Variants in CRNKL1 observed in about 807,000 individuals in gnomAD.
The protein encoded by CRNKL1 is crooked neck pre-mRNA splicing factor 1.
A neutral mutation model predicts 103.7 loss-of-function variants in CRNKL1; 35 were observed. The ratio of observed to expected loss-of-function variants is 0.34; its 90% CI spans 0.26 to 0.45. The LOEUF (loss-of-function observed/expected upper bound fraction) is 0.45, where lower values mean the gene tolerates loss of function less well. CRNKL1 is among the 20% of genes least tolerant of loss of function. The pLI, the probability that CRNKL1 is intolerant of heterozygous loss-of-function variation, is 1.00. For synonymous variants in CRNKL1, 267 were observed against 282.6 expected, an observed-to-expected ratio of 0.94 and a Z score of 0.55; for missense variants, 645 against 836.0, an observed-to-expected ratio of 0.77 and a Z score of 2.82.
chr20:20,034,597 C>CTAT lies in CRNKL1; in HGVS notation c.*1595_*1597dup, dbSNP rs2043389004. On this transcript the variant is annotated 3_prime_UTR_variant, in exon 14 of 14. Coordinates refer to ENST00000536226, the MANE Select transcript of CRNKL1 (RefSeq NM_001278628.2). ...GTGATTAAGTCACTTGCATTCTGAC[C>CTAT]TATTATTTTCATCTCTCCCTGACTC... The CTAT allele has an allele frequency of 7.1e-6, 1 of 141,424 alleles. No individual in the cohort carries two copies. Among genetic ancestry groups the CTAT allele is most frequent in the Non-Finnish European group, 1.5e-5 (1 of 64,584 alleles). The allele number at this position is 141,424 out of a possible 1,614,324, so 8.8% of individuals were successfully genotyped here.
chr20:20,043,262 C>T (rs967710765), intron 7 of CRNKL1, among the ~76,000 whole-genome samples: 3 of 152,302 alleles, frequency 2.0e-5, no homozygotes, highest in Non-Finnish European at 4.4e-5. Context: ...ATCAACAAAA[C>T]GACTTACAAC....
At chr20:20,053,474 G>A (rs776403792), upstream of CRNKL1, among the ~76,000 whole-genome samples, 25 of 152,132 alleles carry the variant, frequency 1.6e-4, no homozygotes, top group Non-Finnish European at 3.1e-4. Context: ...TTCACTCTTG[G>A]TGTACATTCT....
intron 6 of CRNKL1, among the ~76,000 whole-genome samples, chr20:20,044,716 C>G (rs778637873): frequency 3.3e-5 from 5 of 152,100 alleles, no homozygotes; most frequent in Non-Finnish European, 5.9e-5. Flanking sequence ...AACTCCTAGG[C>G]TCAAGTGATA....
Position 20,038,335 on chromosome 20 carries a change from C to T in CRNKL1, c.1647+14G>A. The T allele has an allele frequency of 1.3e-6, 2 of 1,501,404 alleles. No individual in the cohort carries two copies. The highest frequency in any genetic ancestry group is 1.7e-4 in the Middle Eastern group (1 of 5,884). 93.0% of individuals were successfully genotyped at this position (1,501,404 alleles called of 1,614,324 possible). On this transcript the variant is annotated intron_variant, in intron 12 of 13. Coordinates refer to ENST00000536226, the MANE Select transcript of CRNKL1 (RefSeq NM_001278628.2). ...TTCAAGCAAAATGAAAGATCATCTA[C>T]AAAGCAAGGATACCTTGACATGCTG...
At chr20:20,038,225 GC>G in intron 12 of CRNKL1, 123 bp downstream of exon 12, 2 of 611,966 alleles carry the variant, frequency 3.3e-6, no homozygotes. Flanking sequence ...CTCTTGAAAA[GC>G]AAGGAAGTCA....
At chr20:20,037,721 T>G (rs2043444278) in intron 12 of CRNKL1, 150 bp from the exon 13 acceptor site, 1 of 700,226 alleles carries the variant, frequency 1.4e-6, no homozygotes, top group Non-Finnish European at 2.3e-6. Context: ...AATATATGCT[T>G]CAATATAAAC....
chr20:20,055,800 C>T, upstream of CRNKL1: 1 of 638,752 alleles, frequency 1.6e-6, no homozygotes, highest in East Asian at 2.9e-5. Flanking sequence ...ATTAATTTCT[C>T]CTTCATTGTT....
chr20:20,052,501 T>A (rs372474436), upstream of CRNKL1: 2 of 1,614,242 alleles, frequency 1.2e-6, no homozygotes, highest in South Asian at 2.2e-5. Flanking sequence ...GCTTGAGCCG[T>A]GACGGAGGCG....
rs1389068704 is a variant in CRNKL1, at chr20:20,038,354, C to A, written c.1642G>T (p.Val548Phe). The change falls in exon 12 of 14, where the codon GTC becomes TTC. Residue 548 changes from valine to phenylalanine, a missense_variant. Val to Phe is a conservative substitution (Grantham distance 50). This residue lies in a region of CRNKL1 where 582 missense variants were observed against 707.7 expected (regional missense o/e 0.82). Coordinates refer to ENST00000536226, the MANE Select transcript of CRNKL1 (RefSeq NM_001278628.2). ...YRRLLQRTQHVKVWISFAQFE... is the reference protein window; with the variant it reads ...YRRLLQRTQHFKVWISFAQFE... ...CATCTACAAAGCAAGGATACCTTGA[C>A]ATGCTGCGTCCGTTGAAGCAACCGC... 1.9e-6 allele frequency: 3 copies of A among 1,544,948 alleles called. No homozygotes were observed. The highest frequency in any genetic ancestry group is 2.6e-6 in the Non-Finnish European group (3 of 1,141,036).
At chr20:20,052,740 C>T (rs761792012), upstream of CRNKL1, 10 of 1,582,570 alleles carry the variant, frequency 6.3e-6, no homozygotes, top group Non-Finnish European at 7.8e-6. Flanking sequence ...GGAGTAAGAA[C>T]GGAGCTCCAA....
At chr20:20,042,180 T>C (rs932265799) in intron 8 of CRNKL1, 145 bp downstream of exon 8, 10 of 672,566 alleles carry the variant, frequency 1.5e-5, no homozygotes, top group Admixed American at 1.1e-4. Flanking sequence ...AGAGCGAATA[T>C]ATAACTGTAT....
At chr20:20,055,081 CT>C (rs2044200756), upstream of CRNKL1, among the ~76,000 whole-genome samples, 1 of 152,122 alleles carries the variant, frequency 6.6e-6, no homozygotes, top group Non-Finnish European at 1.5e-5. Context: ...CTTTATTCTT[CT>C]GTTTTTAACC....
In CRNKL1 at chr20:20,037,517, T is replaced by G; in HGVS notation, c.1702A>C (p.Thr568Pro). ...ELSSGKEGSL[T>P]KCRQIYEEAN... ...TCTTCATAAATTTGTCTGCATTTAGTCAAACTTCCTTCTTTTCCTGAAGAC... is the reference window on the plus strand; with the variant it reads ...TCTTCATAAATTTGTCTGCATTTAGGCAAACTTCCTTCTTTTCCTGAAGAC... Residue 568 changes from threonine (T) to proline (P), a missense_variant, in exon 13 of 14, where the codon ACT (threonine) becomes CCT (proline). By Grantham distance (38) the Thr-to-Pro change is conservative. Transcript: ENST00000536226. The G allele has an allele frequency of 6.2e-7, 1 of 1,614,158 alleles. No homozygotes were observed. The highest frequency in any genetic ancestry group is 8.5e-7 in the Non-Finnish European group (1 of 1,180,002).
chr20:20,048,893 T>C (rs1449254877), intron 3 of CRNKL1, among the ~76,000 whole-genome samples: 1 of 152,004 alleles, frequency 6.6e-6, no homozygotes, highest in Non-Finnish European at 1.5e-5. Flanking sequence ...AGCCTCACGA[T>C]AAGGAGACAT....
At chr20:20,052,779 G>A (rs6046572), upstream of CRNKL1, 628,365 of 1,496,944 alleles carry the variant, frequency 0.42, 134,626 homozygotes, top group Middle Eastern at 0.46. Context: ...GGGGAAGAAG[G>A]GAGAGCGAGG....
At chr20:20,055,437 C>T (rs139528132), upstream of CRNKL1, among the ~76,000 whole-genome samples, 1,484 of 152,180 alleles carry the variant, frequency 9.8e-3, 25 homozygotes, top group African/African-American at 0.029. Flanking sequence ...CCTCACTTAC[C>T]GAGGGGCCCA....
Position 20,047,768 on chromosome 20 carries a change from G to A in CRNKL1, c.619C>T (p.Arg207Ter), listed in dbSNP as rs1477965624. ...EVDRARTIYERFVLVHPDVKN... is the reference protein window; with the variant it reads ...EVDRARTIYE The stretch of plus-strand genomic sequence containing the variant: ...ACAGATCTCGTCCAAAGGATATATC[G>A]CTCATAAATGGTGCGGGCCCGATCC... Residue 207 changes from arginine (R) to a stop codon, truncating the protein, a stop_gained, in exon 5 of 14, where the codon CGA becomes TGA. Transcript: ENST00000536226. LOFTEE classifies it high-confidence loss of function. 3.7e-6 allele frequency: 6 copies of A among 1,613,738 alleles called. No individual in the cohort carries two copies. Among genetic ancestry groups the A allele is most frequent in the African/African-American group, 2.7e-5 (2 of 74,926 alleles).
rs2043416352 is a variant in CRNKL1 at position 20,036,209 on chromosome 20, C to T, written c.2050G>A (p.Glu684Lys). The part of the protein sequence containing the change: ...AEHHPDEDVD[E>K]SES ...TGAAAAAAAGATCAGGATTCACTCT[C>T]ATCGACGTCCTCATCTGGATGGTGC... is the stretch of plus-strand genomic sequence containing the variant. The change falls in exon 14 of 14, where the codon GAG (glutamate) becomes AAG (lysine). Residue 684 changes from glutamate (E) to lysine (K), a missense_variant. Physicochemically the swap from Glu to Lys is moderately conservative, Grantham distance 56 (BLOSUM62 1). Coordinates refer to ENST00000536226, the MANE Select transcript of CRNKL1 (RefSeq NM_001278628.2). The T allele has an allele frequency of 6.2e-7, 1 of 1,614,042 alleles. No homozygotes were observed. Among genetic ancestry groups the T allele is most frequent in the Non-Finnish European group, 8.5e-7 (1 of 1,179,990 alleles).
rs200105987 is a variant in CRNKL1, at chr20:20,036,213, G to A, written c.2046C>T (p.Val682=). 1.3e-5 allele frequency: 21 copies of A among 1,614,000 alleles called. No homozygotes were observed. The South Asian group carries it at 1.5e-4, about 12-fold the overall frequency. Residue 682 remains valine, a synonymous_variant, in exon 14 of 14, where the codon GTC becomes GTT. Transcript: ENST00000536226. ...AAAAAGATCAGGATTCACTCTCATC[G>A]ACGTCCTCATCTGGATGGTGCTCAG... is the stretch of plus-strand genomic sequence containing the variant. ...EDAEHHPDED[V]DESES
Sources: gnomAD v4.1 joint callset for allele counts (sites outside exome capture counted in the v4.1 genomes callset) on GRCh38, gnomAD v4.1.1 for gene constraint, gnomAD v4.1.1 regional missense constraint, MANE v1.5 for transcripts, NCBI Gene and HGNC (gene_info 2026-07-23, HGNC 2026-07-21) for gene names.